Variants in HEATR9 observed in about 807,000 individuals in gnomAD.
The protein encoded by HEATR9 is protein HEATR9.
In HEATR9, 54 loss-of-function variants were observed where a neutral mutation model predicts 68.2. That is an observed-to-expected ratio of 0.79 (90% CI 0.64 to 0.99). HEATR9 has a LOEUF of 0.99. Among genes scored for constraint, HEATR9 ranks in the 50% least tolerant of loss-of-function variants. HEATR9 has a pLI of 0.00. For missense variants in HEATR9, 662 were observed against 679.7 expected, an observed-to-expected ratio of 0.97 and a Z score of 0.29; for synonymous variants, 241 against 253.5, an observed-to-expected ratio of 0.95 and a Z score of 0.47.
At chr17:35,863,175 T>G (rs1228698436) in intron 7 of HEATR9, 50 bp from the exon 8 acceptor site, 4 of 1,608,572 alleles carry the variant, frequency 2.5e-6, no homozygotes, top group Non-Finnish European at 3.4e-6. Flanking sequence ...GTACTGCCCC[T>G]CTCTGCAAGG....
At position 35,859,266 on chromosome 17, in the gene HEATR9, T is replaced by C. The variant is rs115536380; in HGVS notation, c.757-196A>G. Among the ~76,000 whole-genome samples, 1,388 of 152,324 alleles carry C rather than the reference T, an allele frequency of 9.1e-3. 19 individuals carry two copies. The highest frequency in any genetic ancestry group is 0.032 in the African/African-American group (1,322 of 41,560). On this transcript the variant is annotated intron_variant, in intron 8 of 14. Transcript: ENST00000604834. The stretch of plus-strand genomic sequence containing the variant: ...TCTCTATAACTATCTCATGGATGGA[T>C]CACTGTTACTCTCTTCAACACTTCT...
In HEATR9 at chr17:35,866,726, G is replaced by A. The variant is rs748960641; in HGVS notation, c.136C>T (p.Gln46Ter). 4 of 1,613,836 alleles carry A rather than the reference G, an allele frequency of 2.5e-6. No homozygotes were observed. ...APVHLPLSCYQMPKEEFPPSP... is the reference protein window; with the variant it reads ...APVHLPLSCY ...GTAGCAAAAGTAAGGGGTCTTACCT[G>A]GTAGCAGGACAAGGGCAGATGAACA... is the stretch of plus-strand genomic sequence containing the variant. Residue 46 changes from glutamine (Q) to a stop codon, truncating the protein, a stop_gained and splice_region_variant, in exon 2 of 15, where the codon CAG (glutamine) becomes TAG (stop). Coordinates refer to ENST00000604834, the MANE Select transcript of HEATR9 (RefSeq NM_152781.4). LOFTEE classifies it high-confidence loss of function.
chr17:35,855,008 G>C lies in HEATR9; in HGVS notation c.*55C>G. The stretch of plus-strand genomic sequence containing the variant: ...ATAAGTATAGATTGTTTTCTCATGG[G>C]AGCCTGAGAAGCATCTTCAGGGAGG... On this transcript the variant is annotated 3_prime_UTR_variant, in exon 15 of 15. Coordinates refer to ENST00000604834, the MANE Select transcript of HEATR9 (RefSeq NM_152781.4). The C allele has an allele frequency of 7.2e-7, 1 of 1,386,106 alleles. No individual in the cohort carries two copies. The highest frequency in any genetic ancestry group is 1.2e-5 in the South Asian group (1 of 81,642). The allele number at this position is 1,386,106 out of a possible 1,614,324, so 85.9% of individuals were successfully genotyped here.
intron 2 of HEATR9, among the ~76,000 whole-genome samples, chr17:35,866,109 G>A (rs1373730251): frequency 6.6e-6 from 1 of 152,096 alleles, no homozygotes; most frequent in Admixed American, 6.5e-5. Flanking sequence ...TGGGCAACAG[G>A]GAAGAGGGGC....
Position 35,863,484 on chromosome 17 carries a change from G to C in HEATR9, c.625+18C>G, listed in dbSNP as rs774861589. ...TTGCACTTTCTCAACTCCCCACCAA[G>C]GGAGAAGACATACTCACCCAGGATG... On this transcript the variant is annotated intron_variant, in intron 7 of 14. Transcript: ENST00000604834. The C allele has an allele frequency of 3.3e-5, 53 of 1,613,410 alleles. No individual in the cohort carries two copies. In the Admixed American group the frequency reaches 3.7e-4, roughly 11 times the overall value.
Position 35,868,094 on chromosome 17 carries a change from T to C in HEATR9, c.88+561A>G, listed in dbSNP as rs144020056. On this transcript the variant is annotated intron_variant, in intron 1 of 14. Transcript: ENST00000604834. ...CCGTGCCCAGTCGAGAATTTGCATT[T>C]CTAACAAGATGCTGATGCTGCTGGT... Among the ~76,000 whole-genome samples, 196 of 152,298 alleles carry C rather than the reference T, an allele frequency of 1.3e-3. No homozygotes were observed. The East Asian group carries it at 0.016, about 13-fold the overall frequency.
In HEATR9 at chr17:35,861,439, T is replaced by G. The variant is rs1408079869; in HGVS notation, c.756+1556A>C. 2.5e-6 allele frequency: 4 copies of G among 1,604,888 alleles called. No homozygotes were observed. The African/African-American group carries it at 5.4e-5, about 21-fold the overall frequency. On this transcript the variant is annotated intron_variant, in intron 8 of 14. Transcript: ENST00000604834. Reference sequence around the variant, plus strand: ...CCACCTAACTTTGCGAGGATTGCGCTTCTTTTTAAAGTTTCTATGACACTT... The same window carrying G: ...CCACCTAACTTTGCGAGGATTGCGCGTCTTTTTAAAGTTTCTATGACACTT...
chr17:35,858,942 G>T lies in HEATR9; in HGVS notation c.885C>A (p.Val295=). The T allele has an allele frequency of 6.2e-7, 1 of 1,614,144 alleles. No homozygotes were observed. Among genetic ancestry groups the T allele is most frequent in the South Asian group, 1.1e-5 (1 of 91,078 alleles). ...LGFLRPCSNM[V]QEFLLQCLCQ... ...ACAGGCACTGCAACAAGAACTCTTG[G>T]ACCATGTTGCTGCAAGGCCTCAGGA... Residue 295 remains valine, a synonymous_variant, in exon 9 of 15, where the codon GTC becomes GTA. Transcript: ENST00000604834.
At chr17:35,859,220 G>T in intron 8 of HEATR9, 150 bp from the exon 9 acceptor site, 2 of 700,228 alleles carry the variant, frequency 2.9e-6, no homozygotes, top group Non-Finnish European at 4.8e-6. Context: ...TCACCTACTT[G>T]CTTCTAGGTC....
In HEATR9 at chr17:35,856,733, C is replaced by A. The variant is rs1170774679; in HGVS notation, c.1225G>T (p.Ala409Ser). The A allele has an allele frequency of 6.2e-7, 1 of 1,601,912 alleles. No homozygotes were observed. The highest frequency in any genetic ancestry group is 8.5e-7 in the Non-Finnish European group (1 of 1,174,018). The change falls in exon 12 of 15, where the codon GCA (alanine) becomes TCA (serine). Residue 409 changes from alanine to serine, a missense_variant and splice_region_variant. Physicochemically the swap from Ala to Ser is moderately conservative, Grantham distance 99 (BLOSUM62 1). Coordinates refer to ENST00000604834, the MANE Select transcript of HEATR9 (RefSeq NM_152781.4). ...CCTGGCAGCTCCCAGGCCACTCACG[C>A]CTCCACCAAGTTCATCATCGTAGGC... ...LKPTMMNLVE[A>S]QLMNPDATAR...
chr17:35,856,761 C>T lies in HEATR9; in HGVS notation c.1197G>A (p.Leu399=), dbSNP rs1361140788. ...AVAQTVEELK[L]KPTMMNLVEA... ...CCACCAAGTTCATCATCGTAGGCTT[C>T]AACTTGAGCTCTTCCACAGTTTGAG... Residue 399 remains leucine, a synonymous_variant, in exon 12 of 15, where the codon TTG becomes TTA. Transcript: ENST00000604834. 1 of 1,606,498 alleles carries T rather than the reference C, an allele frequency of 6.2e-7. No homozygotes were observed. Among genetic ancestry groups the T allele is most frequent in the Non-Finnish European group, 8.5e-7 (1 of 1,176,436 alleles).
chr17:35,855,439 G>T, intron 14 of HEATR9, 29 bp from the exon 15 acceptor site: 2 of 1,588,228 alleles, frequency 1.3e-6, no homozygotes, highest in Non-Finnish European at 8.6e-7. Context: ...CCTAGTGCTG[G>T]CTCACTTTGG....
Position 35,858,468 on chromosome 17 carries a change from T to C in HEATR9, c.997A>G (p.Ile333Val), listed in dbSNP as rs753583305. The C allele has an allele frequency of 2.5e-6, 4 of 1,614,130 alleles. No individual in the cohort carries two copies. The South Asian group carries it at 3.3e-5, about 13-fold the overall frequency. Residue 333 changes from isoleucine to valine, a missense_variant, in exon 10 of 15, where the codon ATC becomes GTC. By Grantham distance (29) the Ile-to-Val change is conservative. Coordinates refer to ENST00000604834, the MANE Select transcript of HEATR9 (RefSeq NM_152781.4). ...HVHSAPVIKA[I>V]LDQLCSSSVL... is the part of the protein sequence containing the mutation. ...CTGGAAGAACACAGCTGGTCTAGGA[T>C]GGCCTTGATGACTGGGGCTGAGTGC...
In HEATR9 at chr17:35,856,824, G is replaced by T. The variant is rs754995423; in HGVS notation, c.1153-19C>A. The T allele has an allele frequency of 2.5e-6, 4 of 1,587,064 alleles. No homozygotes were observed. The highest frequency in any genetic ancestry group is 3.4e-6 in the Non-Finnish European group (4 of 1,164,592). On this transcript the variant is annotated intron_variant, in intron 11 of 14. Coordinates refer to ENST00000604834, the MANE Select transcript of HEATR9 (RefSeq NM_152781.4). ...TCACAGCCTGCAGAGGGATCAAAAT[G>T]AGTCAACAGAGAGAGGGAATGCAAG...
intron 8 of HEATR9, chr17:35,861,176 T>A: frequency 1.3e-6 from 2 of 1,596,790 alleles, no homozygotes; most frequent in Non-Finnish European, 8.6e-7. Context: ...ATAAGATGGA[T>A]GTTTTGCTTG....
chr17:35,860,642 A>G (rs995210061), intron 8 of HEATR9, among the ~76,000 whole-genome samples: 14 of 150,128 alleles, frequency 9.3e-5, no homozygotes, highest in African/African-American at 3.4e-4. Context: ...GGCGCCCGCC[A>G]GCACACCCAG....
chr17:35,859,159 AAATG>A (rs1190672645), intron 8 of HEATR9, 89 bp from the exon 9 acceptor site: 1 of 1,150,974 alleles, frequency 8.7e-7, no homozygotes, highest in Non-Finnish European at 1.3e-6. Flanking sequence ...TTCCTCCCTA[AAATG>A]AATCTTGTGC....
chr17:35,864,163 G>T, intron 6 of HEATR9, 83 bp downstream of exon 6: 1 of 1,178,948 alleles, frequency 8.5e-7, no homozygotes, highest in Non-Finnish European at 1.3e-6. Context: ...CTAGCACCCC[G>T]GGGAGCCTCG....
rs762441917 is a variant in HEATR9 at position 35,863,144 on chromosome 17, C to T, written c.626-19G>A. 2.5e-6 allele frequency: 4 copies of T among 1,613,090 alleles called. No homozygotes were observed. Among genetic ancestry groups the T allele is most frequent in the Non-Finnish European group, 3.4e-6 (4 of 1,180,016 alleles). On this transcript the variant is annotated intron_variant, in intron 7 of 14. Coordinates refer to ENST00000604834, the MANE Select transcript of HEATR9 (RefSeq NM_152781.4). ...AGGCAACCTGGACAGGGAGGGGCCT[C>T]AAGTCAGGGCAGAGCCTCTGGTACT...
Sources: gnomAD v4.1 joint callset for allele counts (sites outside exome capture counted in the v4.1 genomes callset) on GRCh38, gnomAD v4.1.1 for gene constraint, MANE v1.5 for transcripts, NCBI Gene and HGNC (gene_info 2026-07-23, HGNC 2026-07-21) for gene names.